The following HSF2BP variants were observed in gnomAD, a reference collection of about 807,000 sequenced individuals.
HSF2BP encodes heat shock factor 2-binding protein.
Under a neutral mutation model 35.0 loss-of-function variants are expected in HSF2BP, and 35 were observed. That is an observed-to-expected ratio of 1.00 (90% confidence interval 0.76 to 1.32). The LOEUF (loss-of-function observed/expected upper bound fraction) is 1.32. Ranked by LOEUF, HSF2BP falls within the 40% of genes most tolerant of loss-of-function variation. HSF2BP has a pLI of 0.00. For synonymous variants in HSF2BP, 114 were observed against 117.4 expected (o/e 0.97, Z 0.18); for missense variants, 326 against 321.7 (o/e 1.01, Z -0.10).
intron 8 of HSF2BP, among the ~76,000 whole-genome samples, chr21:43,574,463 T>C (rs984132802): frequency 4.6e-5 from 7 of 152,066 alleles, no homozygotes; most frequent in African/African-American, 1.7e-4. Flanking sequence ...GTTCACACCA[T>C]TCTCCTGCCT....
At chr21:43,636,691 G>A (rs1298661447) in intron 4 of HSF2BP, among the ~76,000 whole-genome samples, 3 of 151,704 alleles carry the variant, frequency 2.0e-5, no homozygotes, top group African/African-American at 7.3e-5. Flanking sequence ...CAGGAGTTTA[G>A]GACCAGTCTG....
chr21:43,467,919 A>ACT, the HSF2BP span, among the ~76,000 whole-genome samples: 1 of 117,750 alleles, frequency 8.5e-6, no homozygotes, highest in Admixed American at 8.4e-5. Context: ...CACACACCAC[A>ACT]CACACCACAC....
At chr21:43,622,547 C>CTACA (rs1178765236) in intron 6 of HSF2BP, among the ~76,000 whole-genome samples, 2 of 152,056 alleles carry the variant, frequency 1.3e-5, no homozygotes, top group Admixed American at 1.3e-4. Flanking sequence ...ACAAAATAGA[C>CTACA]TACAAGTCAA....
intron 6 of HSF2BP, among the ~76,000 whole-genome samples, chr21:43,627,351 T>C (rs2082402828): frequency 1.3e-5 from 2 of 152,204 alleles, no homozygotes; most frequent in Admixed American, 1.3e-4. Flanking sequence ...AGCAAAGAGC[T>C]CAGCTTAAGC....
At chr21:43,592,475 C>T in intron 7 of HSF2BP, 147 bp from the exon 8 acceptor site, 1 of 587,520 alleles carries the variant, frequency 1.7e-6, no homozygotes, top group Non-Finnish European at 3.0e-6. Flanking sequence ...TTAATAACAT[C>T]TGTCTACGTG....
Position 43,659,450 on chromosome 21 carries a change from TG to T in HSF2BP, c.-290del. 3.2e-6 allele frequency: 1 copy of T among 308,392 alleles called. No individual in the cohort carries two copies. The highest frequency in any genetic ancestry group is 5.4e-6 in the Non-Finnish European group (1 of 186,764). 19.1% of individuals were successfully genotyped at this position (308,392 alleles called of 1,614,324 possible). A position where few individuals can be genotyped will look rare whatever the true frequency, so the allele number is the denominator to read the frequency against. ...GCGCCGGCGCCACGTGCACACGGGC[TG>T]GGCCGCTCCGCCAGCTGCCAGGGCC... is the stretch of plus-strand genomic sequence containing the variant. On this transcript the variant is annotated 5_prime_UTR_variant, in exon 1 of 9. Transcript: ENST00000291560. This position sits in a 1 kb window ranked among gnomAD's most constrained non-coding sequence, Gnocchi z 4.2.
chr21:43,657,807 T>C, intron 2 of HSF2BP: 5 of 983,346 alleles, frequency 5.1e-6, no homozygotes, highest in Non-Finnish European at 6.0e-6. Flanking sequence ...CATGCCCGCT[T>C]TGGCGCCACT....
chr21:43,606,959 C>T (rs2082142311), intron 7 of HSF2BP, among the ~76,000 whole-genome samples: 1 of 152,134 alleles, frequency 6.6e-6, no homozygotes, highest in South Asian at 2.1e-4. Flanking sequence ...TGGAATAAGA[C>T]ATAGAGATAT....
At chr21:43,582,320 G>A (rs2081761450) in intron 8 of HSF2BP, among the ~76,000 whole-genome samples, 2 of 136,878 alleles carry the variant, frequency 1.5e-5, no homozygotes, top group African/African-American at 6.1e-5. Context: ...GGAGATAAGG[G>A]CCTGTTGCGG....
chr21:43,653,934 G>C (rs138759377), intron 3 of HSF2BP, among the ~76,000 whole-genome samples: 1 of 152,110 alleles, frequency 6.6e-6, no homozygotes, highest in East Asian at 1.9e-4. Flanking sequence ...TCTAGTCTGG[G>C]TGTTGGTGCT....
At chr21:43,630,531 G>A in intron 5 of HSF2BP, 77 bp from the exon 6 acceptor site, 2 of 1,456,992 alleles carry the variant, frequency 1.4e-6, no homozygotes, top group Non-Finnish European at 1.8e-6. Flanking sequence ...GCAGGATACA[G>A]AAGATTCTAG....
Position 43,657,826 on chromosome 21 carries a change from C to T in HSF2BP, c.36+235G>A, listed in dbSNP as rs553980347. ...CCCGCTTTGGCGCCACTGAGTGCCC[C>T]CACCACGCGCAGCCTCACAGACCGG... On this transcript the variant is annotated intron_variant, in intron 2 of 8. Coordinates refer to ENST00000291560, the MANE Select transcript of HSF2BP (RefSeq NM_007031.2). 1.4e-5 allele frequency: 14 copies of T among 985,340 alleles called. No individual in the cohort carries two copies. The South Asian group carries it at 6.1e-4, about 43-fold the overall frequency. The allele number at this position is 985,340 out of a possible 1,614,324, so 61.0% of individuals were successfully genotyped here.
At chr21:43,639,494 A>G (rs2082607657) in intron 4 of HSF2BP, among the ~76,000 whole-genome samples, 1 of 152,234 alleles carries the variant, frequency 6.6e-6, no homozygotes, top group Non-Finnish European at 1.5e-5. Flanking sequence ...AAAGACACGA[A>G]AAAAACATTT....
intron 6 of HSF2BP, among the ~76,000 whole-genome samples, chr21:43,626,769 G>A (rs1416845797): frequency 6.6e-6 from 1 of 152,146 alleles, no homozygotes; most frequent in Non-Finnish European, 1.5e-5. Context: ...TCTCGTTAAG[G>A]CTGATAAGTC....
At chr21:43,654,369 C>T (rs1601735474) in intron 3 of HSF2BP, among the ~76,000 whole-genome samples, 2 of 152,200 alleles carry the variant, frequency 1.3e-5, no homozygotes, top group African/African-American at 4.8e-5. Context: ...CAATGTTCCA[C>T]GTCTATTTGA....
In HSF2BP at chr21:43,604,955, C is replaced by T. The variant is rs372387008; in HGVS notation, c.692+8875G>A. On this transcript the variant is annotated intron_variant, in intron 7 of 8. Coordinates refer to ENST00000291560, the MANE Select transcript of HSF2BP (RefSeq NM_007031.2). The stretch of plus-strand genomic sequence containing the variant: ...ACCACAGACATCACACACCATACAC[C>T]ACACACACACTACACACCACACACA... 5.4e-5 allele frequency among the ~76,000 whole-genome samples: 7 copies of T among 129,354 alleles called. 1 individual carries two copies. Among genetic ancestry groups the T allele is most frequent in the Admixed American group, 3.2e-4 (4 of 12,674 alleles). The allele number at this position is 129,354 out of a possible 152,430, so 84.9% of individuals were successfully genotyped here.
chr21:43,584,295 T>C (rs1187745529), intron 8 of HSF2BP, among the ~76,000 whole-genome samples: 2 of 152,132 alleles, frequency 1.3e-5, no homozygotes, highest in East Asian at 3.8e-4. Context: ...GGACAGCCAA[T>C]GTGTAGTGCC....
At chr21:43,629,306 C>T (rs1201497325) in intron 6 of HSF2BP, among the ~76,000 whole-genome samples, 3 of 152,114 alleles carry the variant, frequency 2.0e-5, no homozygotes, top group African/African-American at 7.2e-5. Context: ...TGGCTCATGC[C>T]TATAATCCCA....
chr21:43,640,453 C>T (rs1452014476), intron 4 of HSF2BP, among the ~76,000 whole-genome samples: 1 of 152,192 alleles, frequency 6.6e-6, no homozygotes, highest in African/African-American at 2.4e-5. Context: ...AGGAGCCTTA[C>T]GGCAATGGTA....
Sources: allele counts gnomAD v4.1 joint callset (sites outside exome capture counted in the v4.1 genomes callset), GRCh38; gene constraint gnomAD v4.1.1; non-coding constraint Gnocchi (gnomAD v3.1); transcripts MANE v1.5; gene names NCBI Gene and HGNC (gene_info 2026-07-23, HGNC 2026-07-21).